LEKR1: variants seen among roughly 807,000 people sequenced by gnomAD.
LEKR1 encodes the protein protein LEKR1.
In LEKR1, 59 loss-of-function variants were observed where a neutral mutation model predicts 72.4. The ratio of observed to expected loss-of-function variants is 0.82; its 90% CI spans 0.66 to 1.01. LEKR1 has a LOEUF of 1.01. Ranked by LOEUF, LEKR1 falls within the 50% of genes least tolerant of loss-of-function variation. The pLI, the probability that LEKR1 is intolerant of heterozygous loss-of-function variation, is 0.00. For synonymous variants in LEKR1, 257 were observed against 263.2 expected, an observed-to-expected ratio of 0.98 and a Z score of 0.23; for missense variants, 728 against 759.2, an observed-to-expected ratio of 0.96 and a Z score of 0.48.
chr3:156,949,532 G>A (rs1365737491), intron 6 of LEKR1, among the ~76,000 whole-genome samples: 2 of 151,238 alleles, frequency 1.3e-5, no homozygotes, highest in African/African-American at 4.8e-5. Context: ...GCCTGTTTTC[G>A]TACCAGTACC....
chr3:156,900,937 G>T (rs1277847599), intron 3 of LEKR1, among the ~76,000 whole-genome samples: 1 of 151,978 alleles, frequency 6.6e-6, no homozygotes, highest in African/African-American at 2.4e-5. Flanking sequence ...TCTTTGTTTT[G>T]GAAGTAGCCA....
intron 3 of LEKR1, among the ~76,000 whole-genome samples, chr3:156,874,386 T>A (rs1417204058): frequency 6.6e-6 from 1 of 152,146 alleles, no homozygotes; most frequent in Non-Finnish European, 1.5e-5. Context: ...ATCAGTCATT[T>A]GCAGTTTGCT....
At chr3:157,016,634 A>C (rs763098324) in intron 10 of LEKR1, among the ~76,000 whole-genome samples, 13 of 152,198 alleles carry the variant, frequency 8.5e-5, no homozygotes, top group Non-Finnish European at 1.2e-4. Context: ...ATGGATCTAC[A>C]CAGAGGAATG....
intron 10 of LEKR1, among the ~76,000 whole-genome samples, chr3:157,015,136 T>G (rs1733206908): frequency 6.6e-6 from 1 of 152,098 alleles, no homozygotes; most frequent in South Asian, 2.1e-4. Context: ...AAATTTCAGG[T>G]CATGGTTCAG....
chr3:156,850,992 G>T (rs1473966747), intron 2 of LEKR1, among the ~76,000 whole-genome samples: 1 of 152,150 alleles, frequency 6.6e-6, no homozygotes, highest in Non-Finnish European at 1.5e-5. Flanking sequence ...AGACCAATCA[G>T]ATCTAAGGTT....
chr3:156,862,580 C>T (rs147781339), intron 3 of LEKR1, among the ~76,000 whole-genome samples: 5 of 152,120 alleles, frequency 3.3e-5, no homozygotes, highest in Non-Finnish European at 5.9e-5. Flanking sequence ...CTTTCACTTC[C>T]CTCACCTTCC....
chr3:156,872,605 C>A (rs1477857506), intron 3 of LEKR1, among the ~76,000 whole-genome samples: 1 of 151,936 alleles, frequency 6.6e-6, no homozygotes, highest in Non-Finnish European at 1.5e-5. Context: ...CTTAGCACTG[C>A]TTTTGCTAAA....
intron 6 of LEKR1, among the ~76,000 whole-genome samples, chr3:156,970,670 A>G (rs1259131811): frequency 6.6e-6 from 1 of 152,194 alleles, no homozygotes; most frequent in African/African-American, 2.4e-5. Flanking sequence ...TCAATGTGCA[A>G]AAATCACAAG....
intron 4 of LEKR1, among the ~76,000 whole-genome samples, chr3:156,921,924 G>A (rs1724236438): frequency 6.6e-6 from 1 of 152,104 alleles, no homozygotes; most frequent in South Asian, 2.1e-4. Context: ...AAATGGAGGT[G>A]TTATTTTTAT....
chr3:156,859,207 A>G (rs1374174145), intron 3 of LEKR1, among the ~76,000 whole-genome samples: 1 of 152,182 alleles, frequency 6.6e-6, no homozygotes, highest in African/African-American at 2.4e-5. Flanking sequence ...GTTTCACTTG[A>G]AAAATGATAA....
intron 3 of LEKR1, among the ~76,000 whole-genome samples, chr3:156,899,716 A>G (rs574055506): frequency 7.9e-6 from 1 of 126,682 alleles, no homozygotes; most frequent in East Asian, 2.7e-4. Flanking sequence ...ATATACACAT[A>G]TATACATGCA....
intron 6 of LEKR1, among the ~76,000 whole-genome samples, chr3:156,950,115 T>C (rs1173595186): frequency 6.6e-6 from 1 of 151,292 alleles, no homozygotes; most frequent in African/African-American, 2.4e-5. Context: ...AATATATCCA[T>C]TTCACCCAAG....
At chr3:156,964,580 T>C (rs1728398107) in intron 6 of LEKR1, among the ~76,000 whole-genome samples, 1 of 152,190 alleles carries the variant, frequency 6.6e-6, no homozygotes, top group Admixed American at 6.5e-5. Context: ...AGAGTAGTTT[T>C]GTAGCATGAA....
intron 3 of LEKR1, among the ~76,000 whole-genome samples, chr3:156,889,862 T>C (rs527538417): frequency 2.4e-4 from 36 of 152,300 alleles, no homozygotes; most frequent in African/African-American, 8.7e-4. Flanking sequence ...AAAGAAATAA[T>C]CAAAAGGTAA....
At chr3:156,973,970 A>G (rs983300816) in intron 6 of LEKR1, among the ~76,000 whole-genome samples, 2 of 152,184 alleles carry the variant, frequency 1.3e-5, no homozygotes, top group Non-Finnish European at 2.9e-5. Flanking sequence ...ACCATTTGGC[A>G]GTATTTATGT....
chr3:156,832,893 G>T (rs1192673698), intron 2 of LEKR1, among the ~76,000 whole-genome samples: 2 of 152,144 alleles, frequency 1.3e-5, no homozygotes, highest in Non-Finnish European at 2.9e-5. Context: ...GTCTCCAGTT[G>T]TGTCCTGTTG....
chr3:156,873,296 T>G (rs996643480), intron 3 of LEKR1, among the ~76,000 whole-genome samples: 1 of 152,066 alleles, frequency 6.6e-6, no homozygotes, highest in African/African-American at 2.4e-5. Context: ...TTCTTTTCAT[T>G]CTATATGTCT....
chr3:156,871,592 A>G (rs1336158271), intron 3 of LEKR1, among the ~76,000 whole-genome samples: 2 of 152,018 alleles, frequency 1.3e-5, no homozygotes, highest in Non-Finnish European at 2.9e-5. Context: ...AAGTGTTCCT[A>G]TTTCTCCACA....
chr3:157,034,114 G>T (rs1734808744), intron 12 of LEKR1, among the ~76,000 whole-genome samples: 1 of 152,000 alleles, frequency 6.6e-6, no homozygotes, highest in South Asian at 2.1e-4. Flanking sequence ...TCACCCAAGA[G>T]CTCTGATGGA....
Sources: allele counts gnomAD v4.1 joint callset (sites outside exome capture counted in the v4.1 genomes callset), GRCh38; gene constraint gnomAD v4.1.1; transcripts MANE v1.5; gene names NCBI Gene and HGNC (gene_info 2026-07-23, HGNC 2026-07-21).